TOM1: variants seen among roughly 807,000 people sequenced by gnomAD.
The protein encoded by TOM1 is target of Myb protein 1.
Under a neutral mutation model 61.3 loss-of-function variants are expected in TOM1, and 38 were observed. The observed-to-expected ratio is 0.62, with a 90% confidence interval of 0.48 to 0.81. TOM1 has a LOEUF of 0.81. Among genes scored for constraint, TOM1 ranks in the 40% least tolerant of loss-of-function variants. TOM1 has a pLI of 0.00. For synonymous variants in TOM1, 270 were observed against 268.8 expected, an observed-to-expected ratio of 1.00 and a Z score of -0.04; for missense variants, 591 against 659.6, an observed-to-expected ratio of 0.90 and a Z score of 1.14.
At chr22:35,312,335 G>A (rs1926912502) in intron 1 of TOM1, among the ~76,000 whole-genome samples, 1 of 151,966 alleles carries the variant, frequency 6.6e-6, no homozygotes, top group African/African-American at 2.4e-5. Context: ...TCAGCACCTG[G>A]TCTTTCCTGC....
intron 6 of TOM1, 35 bp from the exon 7 acceptor site, chr22:35,327,236 T>C (rs1569030145): frequency 6.3e-7 from 1 of 1,598,630 alleles, no homozygotes; most frequent in Non-Finnish European, 8.6e-7. Context: ...CCCAGAACCC[T>C]GGCTTCTCTC....
At chr22:35,319,882 C>T (rs944384408) in intron 2 of TOM1, among the ~76,000 whole-genome samples, 1 of 152,192 alleles carries the variant, frequency 6.6e-6, no homozygotes, top group African/African-American at 2.4e-5. Flanking sequence ...CAGGCCTGAC[C>T]GCCTCCATAG....
rs537856594 is a variant in TOM1 at position 35,311,280 on chromosome 22, G to T, written c.53-6597G>T. ...GGGCAGCTGGACCTCACTCCTTAAAGAGGAATATTAATCACGAATACTTTG... is the reference window on the plus strand; with the variant it reads ...GGGCAGCTGGACCTCACTCCTTAAATAGGAATATTAATCACGAATACTTTG... On this transcript the variant is annotated intron_variant, in intron 1 of 14. Transcript: ENST00000449058. Among the ~76,000 whole-genome samples, 140 of 152,310 alleles carry T rather than the reference G, an allele frequency of 9.2e-4. 1 individual carries two copies. Among genetic ancestry groups the T allele is most frequent in the African/African-American group, 3.2e-3 (134 of 41,562 alleles).
chr22:35,334,488 G>C, intron 11 of TOM1, 40 bp downstream of exon 11: 1 of 1,611,670 alleles, frequency 6.2e-7, no homozygotes, highest in South Asian at 1.1e-5. Flanking sequence ...TGCAGTTCGG[G>C]TGGCTCTCGG....
At position 35,327,258 on chromosome 22, in the gene TOM1, CTG is replaced by C. The variant is rs772593543; in HGVS notation, c.649-7_649-6del. ...CCCTGGCTTCTCTCACCACGATCAA[CTG>C]TGTGTTTCAGATTGGGAAGCTGCGC... is the stretch of plus-strand genomic sequence containing the variant. On this transcript the variant is annotated splice_polypyrimidine_tract_variant and intron_variant, in intron 6 of 14. Coordinates refer to ENST00000449058, the MANE Select transcript of TOM1 (RefSeq NM_005488.3). 13 of 1,611,882 alleles carry C rather than the reference CTG, an allele frequency of 8.1e-6. No individual in the cohort carries two copies. In the African/African-American group the frequency reaches 1.5e-4, roughly 18 times the overall value.
At chr22:35,334,171 C>T (rs1929079985) in intron 10 of TOM1, among the ~76,000 whole-genome samples, 157 bp from the exon 11 acceptor site, 1 of 152,130 alleles carries the variant, frequency 6.6e-6, no homozygotes, top group Non-Finnish European at 1.5e-5. Flanking sequence ...TGCCCAAGGC[C>T]CCACAGCCAG....
At chr22:35,345,632 C>A in intron 12 of TOM1, 93 bp from the exon 13 acceptor site, 1 of 1,326,334 alleles carries the variant, frequency 7.5e-7, no homozygotes, top group South Asian at 1.2e-5. Flanking sequence ...GGGTGGGAGG[C>A]TGCCCAGGGC....
At chr22:35,344,970 C>G (rs968297382) in intron 12 of TOM1, 6 of 152,684 alleles carry the variant, frequency 3.9e-5, no homozygotes, top group Admixed American at 3.9e-4. Flanking sequence ...AAGGGGTGAG[C>G]TAGGTCCAGC....
At chr22:35,326,413 A>G (rs1928307249) in intron 6 of TOM1, among the ~76,000 whole-genome samples, 1 of 152,178 alleles carries the variant, frequency 6.6e-6, no homozygotes, top group African/African-American at 2.4e-5. Flanking sequence ...CTTTGAGGAG[A>G]CTGCAGCTTT....
At chr22:35,328,109 G>C (rs941167673) in intron 7 of TOM1, among the ~76,000 whole-genome samples, 1 of 152,224 alleles carries the variant, frequency 6.6e-6, no homozygotes, top group African/African-American at 2.4e-5. Flanking sequence ...CAGGCTCCTT[G>C]AGGGCAGCGC....
At chr22:35,330,842 G>A (rs570351906) in intron 8 of TOM1, among the ~76,000 whole-genome samples, 8 of 152,332 alleles carry the variant, frequency 5.3e-5, no homozygotes, top group Admixed American at 2.0e-4. Context: ...TGACTTCACT[G>A]CTGCAAGCTA....
In TOM1 at chr22:35,330,329, C is replaced by T. The variant is rs1928726521; in HGVS notation, c.766-18C>T. 1.9e-6 allele frequency: 3 copies of T among 1,602,260 alleles called. No individual in the cohort carries two copies. In the African/African-American group the frequency reaches 4.0e-5, roughly 22 times the overall value. On this transcript the variant is annotated intron_variant, in intron 7 of 14. Transcript: ENST00000449058. Reference sequence around the variant, plus strand: ...CTGAGTCATGTGACTGTGGTTGCCTCACTTCCTTTCCTGGCAGGAGCTCAA... The same window carrying T: ...CTGAGTCATGTGACTGTGGTTGCCTTACTTCCTTTCCTGGCAGGAGCTCAA...
intron 1 of TOM1, among the ~76,000 whole-genome samples, chr22:35,306,431 A>G (rs1297174964): frequency 2.0e-5 from 3 of 152,140 alleles, no homozygotes; most frequent in Non-Finnish European, 4.4e-5. Context: ...TAGATCCCCA[A>G]GTTTCTGTCT....
chr22:35,313,835 T>C (rs1253804668), intron 1 of TOM1, among the ~76,000 whole-genome samples: 2 of 152,180 alleles, frequency 1.3e-5, no homozygotes, highest in African/African-American at 4.8e-5. Context: ...CAAAGCCGCC[T>C]GATGACAGGT....
At chr22:35,312,325 T>C (rs1420305778) in intron 1 of TOM1, among the ~76,000 whole-genome samples, 1 of 151,848 alleles carries the variant, frequency 6.6e-6, no homozygotes, top group African/African-American at 2.4e-5. Context: ...TGGCACTGTC[T>C]CAGCACCTGG....
At chr22:35,335,528 G>A (rs867138300) in intron 11 of TOM1, 1 of 152,826 alleles carries the variant, frequency 6.5e-6, no homozygotes, top group Middle Eastern at 3.1e-3. Context: ...GCAAGCTAAT[G>A]AGTGTGATGG....
chr22:35,343,820 A>ATACACACCTACATTCATACACC (rs1930248033), intron 12 of TOM1, among the ~76,000 whole-genome samples: 2 of 145,066 alleles, frequency 1.4e-5, no homozygotes, highest in Non-Finnish European at 3.0e-5. Context: ...ACACCTACAC[A>ATACACACCTACATTCATACACC]TACACACCTA....
rs375038627 is a variant in TOM1 at position 35,323,148 on chromosome 22, G to A, written c.337G>A (p.Val113Met). ...ILPKNNPPTI[V>M]HDKVLNLIQS... Reference sequence around the variant, plus strand: ...GCCCAAGAACAACCCACCCACCATCGTGCATGACAAAGTGCTCAACCTCAT... The same window carrying A: ...GCCCAAGAACAACCCACCCACCATCATGCATGACAAAGTGCTCAACCTCAT... Residue 113 changes from valine to methionine, a missense_variant, in exon 4 of 15, where the codon GTG becomes ATG. Coordinates refer to ENST00000449058, the MANE Select transcript of TOM1 (RefSeq NM_005488.3). This position sits in a 1 kb window ranked among gnomAD's most constrained non-coding sequence, Gnocchi z 4.2. The A allele has an allele frequency of 1.9e-5, 30 of 1,613,910 alleles. No homozygotes were observed. The highest frequency in any genetic ancestry group is 4.5e-5 in the East Asian group (2 of 44,886).
chr22:35,336,037 G>A (rs1929300346), intron 11 of TOM1, among the ~76,000 whole-genome samples: 1 of 152,162 alleles, frequency 6.6e-6, no homozygotes, highest in Non-Finnish European at 1.5e-5. Context: ...CTACAGAGAG[G>A]CAGTTGATTT....
Sources: gnomAD v4.1 joint callset for allele counts (sites outside exome capture counted in the v4.1 genomes callset) on GRCh38, gnomAD v4.1.1 for gene constraint, Gnocchi (gnomAD v3.1) non-coding constraint, MANE v1.5 for transcripts, NCBI Gene and HGNC (gene_info 2026-07-23, HGNC 2026-07-21) for gene names.